MAP4K4: variants seen among roughly 807,000 people sequenced by gnomAD.
The protein encoded by MAP4K4 is HPK/GCK-like kinase HGK.
A neutral mutation model predicts 189.6 loss-of-function variants in MAP4K4; 38 were observed. The ratio of observed to expected loss-of-function variants is 0.20; its 90% CI spans 0.15 to 0.26. MAP4K4 has a LOEUF of 0.26. Among genes scored for constraint, MAP4K4 ranks in the 10% least tolerant of loss-of-function variants. The pLI is 1.00. For synonymous variants in MAP4K4, 610 were observed against 624.3 expected, an observed-to-expected ratio of 0.98 and a Z score of 0.34; for missense variants, 1,054 against 1,726.9, an observed-to-expected ratio of 0.61 and a Z score of 6.91.
At chr2:101,780,089 A>C (rs2150526839) in intron 2 of MAP4K4, among the ~76,000 whole-genome samples, 1 of 152,342 alleles carries the variant, frequency 6.6e-6, no homozygotes, top group East Asian at 1.9e-4. Context: ...CTTTATATGA[A>C]TAGTGTACAT....
intron 31 of MAP4K4, 106 bp downstream of exon 31, chr2:101,888,043 C>T: frequency 1.0e-6 from 1 of 991,288 alleles, no homozygotes; most frequent in Non-Finnish European, 1.5e-6. Context: ...CTTTTGACTA[C>T]CATTGAACAG....
intron 27 of MAP4K4, among the ~76,000 whole-genome samples, chr2:101,881,113 C>G (rs1445479691): frequency 6.6e-6 from 1 of 152,168 alleles, no homozygotes; most frequent in Non-Finnish European, 1.5e-5. Flanking sequence ...ACATGGAAAT[C>G]TCTCTCCATT....
chr2:101,852,433 GA>G (rs1415570515), intron 12 of MAP4K4, among the ~76,000 whole-genome samples: 1 of 151,992 alleles, frequency 6.6e-6, no homozygotes, highest in Non-Finnish European at 1.5e-5. Context: ...ACTATAGGGG[GA>G]AAAAAGGAGA....
intron 2 of MAP4K4, among the ~76,000 whole-genome samples, chr2:101,776,933 A>C (rs545167741): frequency 6.6e-5 from 10 of 152,322 alleles, no homozygotes; most frequent in Non-Finnish European, 1.5e-4. Context: ...AATTAAAAAT[A>C]TATATTTTTC....
At chr2:101,873,684 C>A (rs879019815) in exon 25 of MAP4K4, 1 of 1,612,724 alleles carries the variant, frequency 6.2e-7, no homozygotes, top group South Asian at 1.1e-5. Flanking sequence ...AAACACAAAT[C>A]TTCCTCCTCC....
At chr2:101,807,566 CTT>C (rs2095072274) in intron 3 of MAP4K4, among the ~76,000 whole-genome samples, 2 of 152,156 alleles carry the variant, frequency 1.3e-5, no homozygotes, top group Admixed American at 1.3e-4. Context: ...TGTATTAGTC[CTT>C]TCTCACATTG....
intron 2 of MAP4K4, among the ~76,000 whole-genome samples, chr2:101,722,210 AT>A (rs2052563374): frequency 6.6e-6 from 1 of 152,208 alleles, no homozygotes; most frequent in Non-Finnish European, 1.5e-5. Context: ...CAAGAAAAAG[AT>A]TGATGCCTTT....
chr2:101,766,722 C>A (rs1285188997), intron 2 of MAP4K4, among the ~76,000 whole-genome samples: 8 of 151,194 alleles, frequency 5.3e-5, no homozygotes, highest in African/African-American at 2.0e-4. Flanking sequence ...CTTTATGTTT[C>A]CTGTTCTAGG....
intron 13 of MAP4K4, 139 bp from the exon 14 acceptor site, chr2:101,858,857 T>C (rs1018508815): frequency 6.6e-5 from 40 of 602,010 alleles, no homozygotes; most frequent in Non-Finnish European, 1.1e-4. Context: ...TCTTTAGCAA[T>C]AGATTTTCTT....
At chr2:101,829,478 A>G in intron 5 of MAP4K4, 26 bp from the exon 6 acceptor site, 1 of 1,542,230 alleles carries the variant, frequency 6.5e-7, no homozygotes, top group South Asian at 1.2e-5. Context: ...AGAAAACTAA[A>G]ATTCAGGTCT....
Position 101,839,801 on chromosome 2 carries a change from C to G in MAP4K4, c.774-18C>G. 1.3e-6 allele frequency: 2 copies of G among 1,546,900 alleles called. No individual in the cohort carries two copies. Among genetic ancestry groups the G allele is most frequent in the Non-Finnish European group, 1.7e-6 (2 of 1,151,374 alleles). On this transcript the variant is annotated intron_variant, in intron 9 of 32. Transcript: ENST00000324219. ...CTCTTTGTGGTGGAAATTTGATGAT[C>G]TTTTTCACTTCTTACAGGTCGAAGA...
intron 2 of MAP4K4, among the ~76,000 whole-genome samples, chr2:101,789,574 A>G (rs2092474419): frequency 6.6e-6 from 1 of 152,200 alleles, no homozygotes; most frequent in Non-Finnish European, 1.5e-5. Flanking sequence ...CCAAGTTGTA[A>G]CTTGAGTTCC....
intron 3 of MAP4K4, among the ~76,000 whole-genome samples, chr2:101,803,251 GTGTGTGTGTGTGTATGTA>G (rs2094548185): frequency 7.5e-6 from 1 of 132,696 alleles, no homozygotes; most frequent in Non-Finnish European, 1.7e-5. Context: ...GATGATGTGT[GTGTGTGTGTGTGTATGTA>G]TGTGTGTGTG....
intron 2 of MAP4K4, among the ~76,000 whole-genome samples, chr2:101,743,963 A>G (rs1420347154): frequency 2.6e-5 from 4 of 152,158 alleles, no homozygotes; most frequent in Admixed American, 1.3e-4. Flanking sequence ...CAGCCCAGAT[A>G]ATACTTTCAA....
intron 3 of MAP4K4, among the ~76,000 whole-genome samples, chr2:101,812,610 T>G (rs887612099): frequency 6.0e-5 from 9 of 150,130 alleles, no homozygotes; most frequent in African/African-American, 2.3e-4. Context: ...ATAAAATGAT[T>G]AATAGCAAAA....
intron 3 of MAP4K4, among the ~76,000 whole-genome samples, chr2:101,816,060 T>G (rs1002304990): frequency 2.0e-5 from 3 of 152,186 alleles, no homozygotes; most frequent in African/African-American, 4.8e-5. Flanking sequence ...ACTCAGAGAC[T>G]CCTCTGGGCG....
chr2:101,787,227 A>G (rs1273806775), intron 2 of MAP4K4, among the ~76,000 whole-genome samples: 1 of 152,210 alleles, frequency 6.6e-6, no homozygotes, highest in Non-Finnish European at 1.5e-5. Flanking sequence ...AGGTGAAGGA[A>G]CATGATGTAT....
At chr2:101,822,544 C>T (rs1305574504) in intron 3 of MAP4K4, among the ~76,000 whole-genome samples, 2 of 152,160 alleles carry the variant, frequency 1.3e-5, no homozygotes, top group Non-Finnish European at 2.9e-5. Flanking sequence ...TTATTTTTCC[C>T]ATCTGATCTT....
chr2:101,812,008 A>G (rs996476568), intron 3 of MAP4K4, among the ~76,000 whole-genome samples: 4 of 152,196 alleles, frequency 2.6e-5, no homozygotes, highest in Admixed American at 6.5e-5. Context: ...CTGTAAGTCA[A>G]TACACACTCT....
Sources: gnomAD v4.1 joint callset for allele counts (sites outside exome capture counted in the v4.1 genomes callset) on GRCh38, gnomAD v4.1.1 for gene constraint, MANE v1.5 for transcripts, NCBI Gene and HGNC (gene_info 2026-07-23, HGNC 2026-07-21) for gene names.